Variants in FAM135B observed in about 807,000 individuals in gnomAD.
The protein encoded by FAM135B is family with sequence similarity 135 member B.
Under a neutral mutation model 127.7 loss-of-function variants are expected in FAM135B, and 43 were observed. That is an observed-to-expected ratio of 0.34 (90% confidence interval 0.26 to 0.43). FAM135B has a LOEUF of 0.43. FAM135B is among the 20% of genes least tolerant of loss of function. The pLI, the probability that FAM135B is intolerant of heterozygous loss-of-function variation, is 1.00. For synonymous variants in FAM135B, 670 were observed against 665.1 expected (o/e 1.01, Z -0.11); for missense variants, 1,558 against 1,725.6 (o/e 0.90, Z 1.72).
chr8:138,245,913 T>A (rs1254312775), intron 6 of FAM135B, among the ~76,000 whole-genome samples: 1 of 152,196 alleles, frequency 6.6e-6, no homozygotes, highest in Non-Finnish European at 1.5e-5. Context: ...ACCAAATTGC[T>A]GATAGTGATA....
chr8:138,341,959 G>A (rs1829079431), intron 2 of FAM135B, among the ~76,000 whole-genome samples: 1 of 152,126 alleles, frequency 6.6e-6, no homozygotes, highest in Non-Finnish European at 1.5e-5. Context: ...GGTGCAGGGA[G>A]TAAAAGTCAC....
chr8:138,403,724 A>G (rs1046806105), intron 1 of FAM135B, among the ~76,000 whole-genome samples: 4 of 152,048 alleles, frequency 2.6e-5, no homozygotes, highest in African/African-American at 9.7e-5. Context: ...GCCTCTTCTG[A>G]ATGGTTATCT....
intron 1 of FAM135B, among the ~76,000 whole-genome samples, chr8:138,429,172 T>C (rs1835066281): frequency 6.6e-6 from 1 of 152,142 alleles, no homozygotes; most frequent in Non-Finnish European, 1.5e-5. Context: ...TCCTATTCCT[T>C]AGGTAAAATT....
intron 1 of FAM135B, among the ~76,000 whole-genome samples, chr8:138,391,111 C>T (rs1482072816): frequency 6.6e-6 from 1 of 151,380 alleles, no homozygotes; most frequent in African/African-American, 2.4e-5. Flanking sequence ...CTCCCACCAC[C>T]CCCACCACCA....
intron 7 of FAM135B, among the ~76,000 whole-genome samples, chr8:138,238,763 G>C (rs1157654492): frequency 6.6e-6 from 1 of 152,246 alleles, no homozygotes; most frequent in Non-Finnish European, 1.5e-5. Flanking sequence ...CCCAGGGGAG[G>C]TGGAGGGAGT....
intron 3 of FAM135B, among the ~76,000 whole-genome samples, chr8:138,305,216 A>G (rs996691764): frequency 3.9e-5 from 6 of 152,212 alleles, no homozygotes; most frequent in African/African-American, 1.4e-4. Flanking sequence ...TACAAAAACT[A>G]ATGATGGCAA....
At chr8:138,458,739 G>A (rs1039057592) in intron 1 of FAM135B, among the ~76,000 whole-genome samples, 1 of 152,128 alleles carries the variant, frequency 6.6e-6, no homozygotes, top group African/African-American at 2.4e-5. Context: ...ATATGGCCTG[G>A]ATGACCTAAA....
chr8:138,388,685 A>G (rs185862583), intron 1 of FAM135B, among the ~76,000 whole-genome samples: 1 of 152,354 alleles, frequency 6.6e-6, no homozygotes, highest in Admixed American at 6.5e-5. Flanking sequence ...ATGATGTTGT[A>G]GAAGATGAAA....
At position 138,197,572 on chromosome 8, in the gene FAM135B, C is replaced by T. The variant is rs200240655; in HGVS notation, c.767G>A (p.Arg256His). Residue 256 changes from arginine (R) to histidine (H), a missense_variant, in exon 8 of 20, where the codon CGT (arginine) becomes CAT (histidine). Arg to His is a conservative substitution (Grantham distance 29). Coordinates refer to ENST00000395297, the MANE Select transcript of FAM135B (RefSeq NM_015912.4). ...CCGCATGATCACCAGGAAGTGGAGA[C>T]GGAGACCCCGGTAAGCGTGGAGGAG... is the stretch of plus-strand genomic sequence containing the variant. ...LLLLHAYRGL[R>H]LHFLVIMRDI... The T allele has an allele frequency of 3.6e-5, 58 of 1,613,894 alleles. No homozygotes were observed. Among genetic ancestry groups the T allele is most frequent in the Admixed American group, 2.0e-4 (12 of 59,982 alleles).
intron 1 of FAM135B, among the ~76,000 whole-genome samples, chr8:138,412,105 T>G (rs1291625508): frequency 2.0e-5 from 3 of 152,122 alleles, no homozygotes; most frequent in African/African-American, 7.2e-5. Context: ...AAAAACCAAC[T>G]CTTAGATACT....
At chr8:138,158,176 C>A (rs2130832159) in intron 12 of FAM135B, among the ~76,000 whole-genome samples, 1 of 152,274 alleles carries the variant, frequency 6.6e-6, no homozygotes, top group Middle Eastern at 3.4e-3. Context: ...TTTGACAAAT[C>A]TGACAAAAAC....
chr8:138,363,565 T>C (rs1830566728), intron 2 of FAM135B, among the ~76,000 whole-genome samples: 2 of 152,138 alleles, frequency 1.3e-5, no homozygotes, highest in Non-Finnish European at 2.9e-5. Flanking sequence ...GGAAAAGTTT[T>C]CCCTTTGAGA....
At chr8:138,199,998 G>T (rs1384878821) in intron 7 of FAM135B, among the ~76,000 whole-genome samples, 1 of 152,124 alleles carries the variant, frequency 6.6e-6, no homozygotes, top group Non-Finnish European at 1.5e-5. Flanking sequence ...CTCCAGACAG[G>T]GCAGTCTCCA....
At chr8:138,146,497 G>A (rs186938084) in intron 14 of FAM135B, among the ~76,000 whole-genome samples, 17 of 152,242 alleles carry the variant, frequency 1.1e-4, no homozygotes, top group Middle Eastern at 3.4e-3. Context: ...TAATCTGCAA[G>A]CCTCCCTACC....
intron 1 of FAM135B, among the ~76,000 whole-genome samples, chr8:138,405,520 A>G (rs1318503051): frequency 6.6e-6 from 1 of 151,826 alleles, no homozygotes; most frequent in Non-Finnish European, 1.5e-5. Flanking sequence ...AATTTCATCC[A>G]TGTCCCCACA....
intron 12 of FAM135B, among the ~76,000 whole-genome samples, chr8:138,164,192 G>A (rs1221384448): frequency 6.6e-6 from 1 of 152,156 alleles, no homozygotes; most frequent in Non-Finnish European, 1.5e-5. Context: ...AAAATGCTTT[G>A]TGAGAGATCA....
chr8:138,272,018 T>C (rs1266611839), intron 3 of FAM135B, among the ~76,000 whole-genome samples: 1 of 152,122 alleles, frequency 6.6e-6, no homozygotes, highest in African/African-American at 2.4e-5. Flanking sequence ...TTTTTTAATT[T>C]TACTCCTTAA....
intron 2 of FAM135B, among the ~76,000 whole-genome samples, chr8:138,352,404 C>T (rs1829838618): frequency 6.6e-6 from 1 of 152,126 alleles, no homozygotes; most frequent in Admixed American, 6.5e-5. Context: ...TAAACATCAC[C>T]TTGTAAATAT....
chr8:138,178,831 C>T lies in FAM135B; in HGVS notation c.874-141G>A. On this transcript the variant is annotated intron_variant, in intron 9 of 19. Coordinates refer to ENST00000395297, the MANE Select transcript of FAM135B (RefSeq NM_015912.4). ...TGTACATCTGTAGTATTATATATTA[C>T]AACTCATAGTACTATAGGATCATGT... The T allele has an allele frequency of 2.1e-5, 14 of 659,580 alleles. No homozygotes were observed. The South Asian group carries it at 2.8e-4, about 13-fold the overall frequency. 40.9% of individuals were successfully genotyped at this position (659,580 alleles called of 1,614,324 possible).
Sources: gnomAD v4.1 joint callset for allele counts (sites outside exome capture counted in the v4.1 genomes callset) on GRCh38, gnomAD v4.1.1 for gene constraint, MANE v1.5 for transcripts, NCBI Gene and HGNC (gene_info 2026-07-23, HGNC 2026-07-21) for gene names.